The following TENM4 variants were observed in gnomAD, a reference collection of about 807,000 sequenced individuals.
The protein encoded by TENM4 is teneurin transmembrane protein 4, also known as teneurin-4.
In TENM4, 82 loss-of-function variants were observed where a neutral mutation model predicts 243.3. The ratio of observed to expected loss-of-function variants is 0.34; its 90% CI spans 0.28 to 0.40. The LOEUF (loss-of-function observed/expected upper bound fraction) is 0.40, where lower values mean the gene tolerates loss of function less well. Among genes scored for constraint, TENM4 ranks in the 10% least tolerant of loss-of-function variants. The pLI is 1.00. For synonymous variants in TENM4, 1,412 were observed against 1,456.3 expected (o/e 0.97, Z 0.69); for missense variants, 3,138 against 3,673.3 (o/e 0.85, Z 3.77).
chr11:78,831,661 G>C (rs1857985093), intron 12 of TENM4, among the ~76,000 whole-genome samples: 2 of 152,224 alleles, frequency 1.3e-5, no homozygotes, highest in Admixed American at 6.5e-5. Context: ...GCACACAGGA[G>C]GAGCGGCAGA....
chr11:78,750,193 T>G (rs1856149870), intron 19 of TENM4, among the ~76,000 whole-genome samples: 1 of 152,244 alleles, frequency 6.6e-6, no homozygotes, highest in South Asian at 2.1e-4. Context: ...CAGTAGTTCA[T>G]GCATACACAT....
intron 32 of TENM4, among the ~76,000 whole-genome samples, chr11:78,668,444 C>T (rs78580329): frequency 0.028 from 4,309 of 152,208 alleles, 211 homozygotes; most frequent in African/African-American, 0.098. Flanking sequence ...ATCCTTCACT[C>T]CATTCTTACA....
Position 79,085,407 on chromosome 11 carries a change from G to T in TENM4, c.-65-15398C>A, listed in dbSNP as rs190602969. On this transcript the variant is annotated intron_variant, in intron 4 of 33. Transcript: ENST00000278550. ...AAAAAAAGGGGGGTTTTTTTTTTGG[G>T]TCAGGCTTTTTTGAGTCAGGCAGAC... 4.7e-3 allele frequency among the ~76,000 whole-genome samples: 704 copies of T among 148,244 alleles called. 8 individuals carry two copies. The highest frequency in any genetic ancestry group is 0.017 in the African/African-American group (672 of 40,508).
At chr11:79,170,703 C>G (rs574355767) in intron 3 of TENM4, among the ~76,000 whole-genome samples, 1 of 152,318 alleles carries the variant, frequency 6.6e-6, no homozygotes, top group East Asian at 1.9e-4. Context: ...AAGTCTTTCT[C>G]ACAGCTCTTG....
rs544491902 is a variant in TENM4, at chr11:79,126,444, G to T, written c.-66+22266C>A. On this transcript the variant is annotated intron_variant, in intron 4 of 33. Coordinates refer to ENST00000278550, the MANE Select transcript of TENM4 (RefSeq NM_001098816.3). ...ATAGTGGGAATAATTGGATCCCAAG[G>T]TGGCAGGGGCCAAGTGGCGGCACTC... Among the ~76,000 whole-genome samples, 91 of 152,348 alleles carry T rather than the reference G, an allele frequency of 6.0e-4. 1 individual carries two copies. The highest frequency in any genetic ancestry group is 2.2e-3 in the African/African-American group (90 of 41,584).
chr11:79,257,753 T>C (rs1565271967), intron 2 of TENM4, among the ~76,000 whole-genome samples: 1 of 152,180 alleles, frequency 6.6e-6, no homozygotes, highest in Non-Finnish European at 1.5e-5. Flanking sequence ...TGGCCCATTA[T>C]TAAGGCCACC....
chr11:79,041,749 T>A (rs1344188413), intron 6 of TENM4, among the ~76,000 whole-genome samples: 3 of 152,260 alleles, frequency 2.0e-5, no homozygotes. Context: ...AGTTATAATT[T>A]ATTAAAGCCT....
intron 6 of TENM4, among the ~76,000 whole-genome samples, chr11:78,915,883 T>C (rs867322707): frequency 6.6e-6 from 1 of 152,162 alleles, no homozygotes; most frequent in Admixed American, 6.5e-5. Context: ...GAAACGACTT[T>C]CTCTTGGAAA....
intron 6 of TENM4, among the ~76,000 whole-genome samples, chr11:78,926,462 C>T (rs1473292103): frequency 6.6e-6 from 1 of 151,784 alleles, no homozygotes; most frequent in African/African-American, 2.4e-5. Flanking sequence ...TTAGTAGAAA[C>T]GGGGTTTCAC....
chr11:78,917,936 G>A (rs1268342205), intron 6 of TENM4, among the ~76,000 whole-genome samples: 1 of 152,176 alleles, frequency 6.6e-6, no homozygotes, highest in African/African-American at 2.4e-5. Context: ...GAGGATTCAT[G>A]TAAAGTGCTA....
chr11:79,035,988 C>T (rs1364945544), intron 6 of TENM4, among the ~76,000 whole-genome samples: 1 of 152,154 alleles, frequency 6.6e-6, no homozygotes, highest in African/African-American at 2.4e-5. Context: ...TGTTTTATTT[C>T]CCAAGCCTCT....
intron 18 of TENM4, among the ~76,000 whole-genome samples, chr11:78,764,332 T>C (rs979379866): frequency 6.6e-6 from 1 of 152,274 alleles, no homozygotes; most frequent in Non-Finnish European, 1.5e-5. Flanking sequence ...ATTATCTTTC[T>C]GTACATCGAG....
chr11:79,129,016 A>T (rs1437417363), intron 4 of TENM4, among the ~76,000 whole-genome samples: 1 of 152,194 alleles, frequency 6.6e-6, no homozygotes, highest in East Asian at 1.9e-4. Flanking sequence ...CTCCTGCAGG[A>T]CCTGGGAGAT....
At chr11:79,429,611 C>T (rs771191213) in intron 1 of TENM4, among the ~76,000 whole-genome samples, 2 of 152,070 alleles carry the variant, frequency 1.3e-5, no homozygotes, top group Non-Finnish European at 2.9e-5. Context: ...TGCTTGAATG[C>T]ATACAGCTAG....
In TENM4 at chr11:78,855,996, C is replaced by T. The variant is rs1309334646; in HGVS notation, c.1438G>A (p.Gly480Ser). ...TGTGAAGGAGGGAGGCCTTTTCTGC[C>T]ATAAATGCCAACCAGGGCTGCCTTT... ...LGKAALVGIY[G>S]RKGLPPSHTQ... The change falls in exon 11 of 34, where the codon GGC becomes AGC. Residue 480 changes from glycine to serine, a missense_variant. Physicochemically the swap from Gly to Ser is moderately conservative, Grantham distance 56 (BLOSUM62 0). Transcript: ENST00000278550. 1.9e-6 allele frequency: 3 copies of T among 1,551,678 alleles called. No homozygotes were observed. Among genetic ancestry groups the T allele is most frequent in the Non-Finnish European group, 2.6e-6 (3 of 1,147,006 alleles).
rs539574421 is a variant in TENM4, at chr11:78,707,786, T to C, written c.4209+575A>G. Among the ~76,000 whole-genome samples the C allele has an allele frequency of 2.3e-4, 35 of 152,364 alleles. 2 individuals carry two copies. In the Middle Eastern group the frequency reaches 0.027, roughly 118 times the overall value. The stretch of plus-strand genomic sequence containing the variant: ...TAGGAGTCGTGGATGCATTGTTTCA[T>C]GTATCTTCAGGGTAATCCTACTGGG... On this transcript the variant is annotated intron_variant, in intron 27 of 33. Transcript: ENST00000278550.
chr11:78,659,503 G>C (rs1409593129), intron 33 of TENM4, among the ~76,000 whole-genome samples: 1 of 151,948 alleles, frequency 6.6e-6, no homozygotes, highest in East Asian at 1.9e-4. Flanking sequence ...GGTGGGGTTT[G>C]AGGACAGGCT....
chr11:78,787,069 C>T lies in TENM4; in HGVS notation c.2194G>A (p.Asp732Asn), dbSNP rs778343842. The T allele has an allele frequency of 8.4e-6, 13 of 1,547,088 alleles. No individual in the cohort carries two copies. In the East Asian group the frequency reaches 1.2e-4, roughly 15 times the overall value. Residue 732 changes from aspartate to asparagine, a missense_variant, in exon 16 of 34, where the codon GAC becomes AAC. Transcript: ENST00000278550. ...ACGCACACGCCATGGCCACCACAGT[C>T]GGCAGCACAGATCTCTGTGGGGAGG... ...HDCSIEICAA[D>N]CGGHGVCVGG...
chr11:79,011,357 A>AT (rs1858636225), intron 6 of TENM4, among the ~76,000 whole-genome samples: 1 of 152,090 alleles, frequency 6.6e-6, no homozygotes, highest in South Asian at 2.1e-4. Flanking sequence ...AGGTATCTGC[A>AT]TTTTTCCAAG....
Sources: allele counts gnomAD v4.1 joint callset (sites outside exome capture counted in the v4.1 genomes callset), GRCh38; gene constraint gnomAD v4.1.1; transcripts MANE v1.5; gene names NCBI Gene and HGNC (gene_info 2026-07-23, HGNC 2026-07-21).